Variants in TNS1 observed in about 807,000 individuals in gnomAD.
The protein encoded by TNS1 is tensin 1, also known as tensin-1.
A neutral mutation model predicts 168.6 loss-of-function variants in TNS1; 62 were observed. The ratio of observed to expected loss-of-function variants is 0.37; its 90% CI spans 0.30 to 0.45. The LOEUF (loss-of-function observed/expected upper bound fraction) is 0.45, where lower values mean the gene tolerates loss of function less well. Ranked by LOEUF, TNS1 falls within the 20% of genes least tolerant of loss-of-function variation. The pLI, the probability that TNS1 is intolerant of heterozygous loss-of-function variation, is 1.00. For synonymous variants in TNS1, 934 were observed against 933.2 expected (o/e 1.00, Z -0.02); for missense variants, 2,240 against 2,339.4 (o/e 0.96, Z 0.88).
intron 22 of TNS1, among the ~76,000 whole-genome samples, chr2:217,825,764 T>C (rs11897815): frequency 0.3 from 45,961 of 152,120 alleles, 7,155 homozygotes; most frequent in Admixed American, 0.39. Context: ...GGGAGTCTGA[T>C]GGCAAGATTG....
intron 18 of TNS1, chr2:217,849,643 G>A (rs1231455039): frequency 2.0e-6 from 2 of 985,140 alleles, no homozygotes; most frequent in African/African-American, 1.7e-5. Context: ...AGCATCCTCA[G>A]TCCCCTCCGC....
chr2:218,009,952 C>G (rs1958690869), intron 1 of TNS1: 2 of 392,174 alleles, frequency 5.1e-6, no homozygotes, highest in African/African-American at 4.2e-5. Context: ...TGCTGAGAAC[C>G]AGGCTGACGA....
chr2:217,813,860 G>T lies in TNS1; in HGVS notation c.4730-44C>A. On this transcript the variant is annotated intron_variant, in intron 25 of 32. Transcript: ENST00000682258. The surrounding 1 kb of genome is among the most constrained non-coding windows in gnomAD (Gnocchi z 4.0). ...AGGAGAGAGGAGGAAGCAAGACCTC[G>T]GTGGCGCTAGTTTTACTTAAGTCTC... The T allele has an allele frequency of 6.5e-7, 1 of 1,533,162 alleles. No individual in the cohort carries two copies. The allele number at this position is 1,533,162 out of a possible 1,614,324, so 95.0% of individuals were successfully genotyped here.
At chr2:217,850,929 C>T (rs956108028) in intron 18 of TNS1, among the ~76,000 whole-genome samples, 4 of 152,164 alleles carry the variant, frequency 2.6e-5, no homozygotes, top group Admixed American at 1.3e-4. Context: ...ACTCTACACG[C>T]ACATCCTCTC....
chr2:218,028,516 G>A (rs957873616), intron 1 of TNS1, among the ~76,000 whole-genome samples: 3 of 152,206 alleles, frequency 2.0e-5, no homozygotes, highest in Non-Finnish European at 4.4e-5. Flanking sequence ...TTTGCTAAGT[G>A]CCTGGGATAC....
intron 6 of TNS1, 53 bp downstream of exon 6, chr2:217,906,282 C>G: frequency 2.1e-6 from 1 of 473,902 alleles, no homozygotes. Flanking sequence ...CCACCCCATT[C>G]CCCCTGGCCA....
intron 2 of TNS1, among the ~76,000 whole-genome samples, chr2:217,980,506 C>CAGAGAGAG (rs3842558): frequency 1.0e-3 from 123 of 117,614 alleles, no homozygotes; most frequent in Middle Eastern, 4.1e-3. Flanking sequence ...TACACACACA[C>CAGAGAGAG]AGAGAGAGAG....
chr2:217,855,581 C>T (rs951431769), intron 18 of TNS1, among the ~76,000 whole-genome samples: 7 of 149,636 alleles, frequency 4.7e-5, no homozygotes, highest in African/African-American at 1.8e-4. Context: ...TCTCTCTCTC[C>T]CTCTCCCTAG....
At chr2:217,846,255 C>T (rs930767421) in intron 19 of TNS1, among the ~76,000 whole-genome samples, 4 of 152,268 alleles carry the variant, frequency 2.6e-5, no homozygotes, top group African/African-American at 9.6e-5. Flanking sequence ...CCTGCAATGG[C>T]CAATTTCAAG....
chr2:217,855,751 T>C (rs936428482), intron 18 of TNS1, among the ~76,000 whole-genome samples: 2 of 152,208 alleles, frequency 1.3e-5, no homozygotes, highest in African/African-American at 2.4e-5. Flanking sequence ...GAAAGCTTTA[T>C]GTAGTTCTGT....
rs376028261 is a variant in TNS1, at chr2:217,891,096, C to A, written c.783-51G>T. On this transcript the variant is annotated intron_variant, in intron 11 of 32. Coordinates refer to ENST00000682258, the MANE Select transcript of TNS1 (RefSeq NM_001387777.1). ...AGAGGCAACTCCTGCATCCAAGAGC[C>A]GCTTGTTTTCCCCACCCCTGCTCCC... The A allele has an allele frequency of 2.5e-6, 4 of 1,593,270 alleles. No homozygotes were observed. In the East Asian group the frequency reaches 8.9e-5, roughly 36 times the overall value.
intron 8 of TNS1, among the ~76,000 whole-genome samples, chr2:217,896,720 G>A (rs373311650): frequency 7.2e-5 from 11 of 152,210 alleles, no homozygotes; most frequent in African/African-American, 1.2e-4. Flanking sequence ...CCTCCACCCC[G>A]CCATGGATAG....
At position 217,884,848 on chromosome 2, in the gene TNS1, G is replaced by C. The variant is rs564398138; in HGVS notation, c.1246+187C>G. On this transcript the variant is annotated intron_variant, in intron 16 of 32. Transcript: ENST00000682258. Reference sequence around the variant, plus strand: ...TTATCTCCACTTCTACTAACAACTGGAATTCCCAGACCATCCAATCTCAAC... The same window carrying C: ...TTATCTCCACTTCTACTAACAACTGCAATTCCCAGACCATCCAATCTCAAC... Among the ~76,000 whole-genome samples, 236 of 152,238 alleles carry C rather than the reference G, an allele frequency of 1.6e-3. 1 individual carries two copies. The highest frequency in any genetic ancestry group is 3.4e-3 in the Middle Eastern group (1 of 294).
At chr2:217,830,291 G>A (rs936224560) in intron 22 of TNS1, 68 of 1,588,660 alleles carry the variant, frequency 4.3e-5, no homozygotes, top group Non-Finnish European at 5.7e-5. Context: ...CCCTGGCCAT[G>A]CCGACACTCT....
chr2:217,989,796 A>T (rs980572165), intron 2 of TNS1, among the ~76,000 whole-genome samples: 4 of 151,928 alleles, frequency 2.6e-5, no homozygotes, highest in Non-Finnish European at 5.9e-5. Flanking sequence ...TGCCACCCAC[A>T]CGACTCCCAC....
intron 3 of TNS1, among the ~76,000 whole-genome samples, chr2:217,921,264 C>A (rs952106948): frequency 5.3e-5 from 8 of 152,186 alleles, no homozygotes; most frequent in African/African-American, 1.7e-4. Flanking sequence ...ACAGTGGGCA[C>A]AGAGTGGGAG....
At position 217,977,136 on chromosome 2, in the gene TNS1, A is replaced by G. The variant is rs1000727854; in HGVS notation, c.186+1629T>C. ...CAAATGTCCATTGCTATTAAAAGAA[A>G]AGGTTGCAGGAAGGGCAGTACGAAG... On this transcript the variant is annotated intron_variant, in intron 3 of 32. Coordinates refer to ENST00000682258, the MANE Select transcript of TNS1 (RefSeq NM_001387777.1). Among the ~76,000 whole-genome samples, 8 of 152,358 alleles carry G rather than the reference A, an allele frequency of 5.3e-5. No homozygotes were observed. In the East Asian group the frequency reaches 1.5e-3, roughly 29 times the overall value.
chr2:217,958,846 C>A (rs1377999209), intron 3 of TNS1, among the ~76,000 whole-genome samples: 1 of 152,156 alleles, frequency 6.6e-6, no homozygotes, highest in East Asian at 1.9e-4. Flanking sequence ...TTCCTCCTTG[C>A]CCAGGTTTCT....
chr2:217,895,853 G>T (rs1952237501), intron 8 of TNS1, among the ~76,000 whole-genome samples: 1 of 152,202 alleles, frequency 6.6e-6, no homozygotes, highest in Non-Finnish European at 1.5e-5. Flanking sequence ...CTCCTGGGGA[G>T]AAAAGGGGAC....
Sources: gnomAD v4.1 joint callset for allele counts (sites outside exome capture counted in the v4.1 genomes callset) on GRCh38, gnomAD v4.1.1 for gene constraint, Gnocchi (gnomAD v3.1) non-coding constraint, MANE v1.5 for transcripts, NCBI Gene and HGNC (gene_info 2026-07-23, HGNC 2026-07-21) for gene names.